Variants in PGM5 observed in about 807,000 individuals in gnomAD.
PGM5 encodes the protein phosphoglucomutase 5.
A neutral mutation model predicts 59.2 loss-of-function variants in PGM5; 23 were observed. That is an observed-to-expected ratio of 0.39 (90% CI 0.28 to 0.55). The LOEUF (loss-of-function observed/expected upper bound fraction) is 0.55. Ranked by LOEUF, PGM5 falls within the 20% of genes least tolerant of loss-of-function variation. The probability of loss-of-function intolerance (pLI) is 0.66; values close to 1 mark genes in which losing one functional copy is unlikely to be tolerated. For synonymous variants in PGM5, 214 were observed against 286.0 expected (o/e 0.75, Z 2.54); for missense variants, 574 against 748.3 (o/e 0.77, Z 2.72).
In PGM5 at chr9:68,511,545, C is replaced by T. The variant is rs1452917513; in HGVS notation, c.1614+12184C>T. 1.8e-4 allele frequency among the ~76,000 whole-genome samples: 11 copies of T among 62,726 alleles called. No individual in the cohort carries two copies. The East Asian group carries it at 3.2e-3, about 18-fold the overall frequency. 41.2% of individuals were successfully genotyped at this position (62,726 alleles called of 152,430 possible). ...TTGTCACTAATGTTATTGTTTTTGC[C>T]TTTTTTTTTTTTTTTTTTTTTTTTT... On this transcript the variant is annotated intron_variant, in intron 10 of 10. Coordinates refer to ENST00000396396, the MANE Select transcript of PGM5 (RefSeq NM_021965.4).
intron 2 of PGM5, among the ~76,000 whole-genome samples, chr9:68,381,868 C>T (rs1554678354): frequency 6.6e-6 from 1 of 151,836 alleles, no homozygotes; most frequent in African/African-American, 2.4e-5. Context: ...AACTATAAAA[C>T]ATTGATTGAA....
intron 7 of PGM5, among the ~76,000 whole-genome samples, chr9:68,473,514 G>A (rs1824055189): frequency 6.6e-6 from 1 of 152,138 alleles, no homozygotes; most frequent in African/African-American, 2.4e-5. Context: ...GATGACCTAA[G>A]CTCAATCTCT....
chr9:68,491,811 G>A (rs538902345), intron 9 of PGM5, among the ~76,000 whole-genome samples: 30 of 152,152 alleles, frequency 2.0e-4, no homozygotes, highest in Non-Finnish European at 2.8e-4. Flanking sequence ...AGATCACCCT[G>A]GGCAACACAG....
chr9:68,401,885 ATATATGTGTGTG>A (rs140692341), intron 6 of PGM5, among the ~76,000 whole-genome samples: 6,085 of 104,006 alleles, frequency 0.059, 163 homozygotes, highest in Non-Finnish European at 0.072. Flanking sequence ...AGCTATATAT[ATATATGTGTGTG>A]TGTGTGTGTG....
At chr9:68,424,525 A>G (rs1415102559) in intron 6 of PGM5, among the ~76,000 whole-genome samples, 3 of 152,158 alleles carry the variant, frequency 2.0e-5, no homozygotes, top group Non-Finnish European at 2.9e-5. Context: ...ACCTCCTAAA[A>G]TCATATTATT....
chr9:68,529,720 C>A lies in PGM5; in HGVS notation c.*64C>A. ...TCAGCGGGAGATGCTTCACTGATGCCTTCTTGCTACCTGTTTGTGCCTCTT... is the reference window on the plus strand; with the variant it reads ...TCAGCGGGAGATGCTTCACTGATGCATTCTTGCTACCTGTTTGTGCCTCTT... On this transcript the variant is annotated 3_prime_UTR_variant, in exon 11 of 11. Coordinates refer to ENST00000396396, the MANE Select transcript of PGM5 (RefSeq NM_021965.4). The A allele has an allele frequency of 1.1e-6, 1 of 931,306 alleles. No homozygotes were observed. Among genetic ancestry groups the A allele is most frequent in the Non-Finnish European group, 1.6e-6 (1 of 633,656 alleles). The allele number at this position is 931,306 out of a possible 1,614,324, so 57.7% of individuals were successfully genotyped here. A position where few individuals can be genotyped will look rare whatever the true frequency, so the allele number is the denominator to read the frequency against.
At chr9:68,495,886 A>G (rs1587216202) in intron 9 of PGM5, among the ~76,000 whole-genome samples, 1 of 152,358 alleles carries the variant, frequency 6.6e-6, no homozygotes, top group South Asian at 2.1e-4. Flanking sequence ...GCCTTATACC[A>G]GGGGTCAGCA....
At chr9:68,432,157 C>T (rs1217711133) in intron 6 of PGM5, among the ~76,000 whole-genome samples, 1 of 151,992 alleles carries the variant, frequency 6.6e-6, no homozygotes, top group East Asian at 1.9e-4. Flanking sequence ...GCATACATCC[C>T]CACACACACC....
intron 1 of PGM5, among the ~76,000 whole-genome samples, chr9:68,360,291 A>T (rs1271372514): frequency 6.6e-6 from 1 of 151,546 alleles, no homozygotes; most frequent in Non-Finnish European, 1.5e-5. Context: ...ATGTATAAAA[A>T]ATTTTATAAA....
At chr9:68,506,794 TG>T (rs1187611532) in intron 10 of PGM5, among the ~76,000 whole-genome samples, 2 of 152,140 alleles carry the variant, frequency 1.3e-5, no homozygotes, top group Admixed American at 6.5e-5. Flanking sequence ...CAAAGATTTT[TG>T]TATATGTATA....
At chr9:68,393,092 C>A (rs1822408147) in intron 6 of PGM5, among the ~76,000 whole-genome samples, 1 of 151,914 alleles carries the variant, frequency 6.6e-6, no homozygotes, top group African/African-American at 2.4e-5. Context: ...CTCTATCCAT[C>A]CCTCTTGTCT....
chr9:68,401,439 A>C (rs1822664158), intron 6 of PGM5, among the ~76,000 whole-genome samples: 1 of 152,162 alleles, frequency 6.6e-6, no homozygotes, highest in Non-Finnish European at 1.5e-5. Flanking sequence ...CATTGTCGTT[A>C]TTTAGGGTGT....
intron 10 of PGM5, among the ~76,000 whole-genome samples, chr9:68,519,998 G>A (rs1483913546): frequency 6.6e-6 from 1 of 150,838 alleles, no homozygotes; most frequent in East Asian, 1.9e-4. Flanking sequence ...GCTGAGGTGA[G>A]AGGATTGCTC....
At chr9:68,383,275 AT>A (rs1457336532) in intron 2 of PGM5, among the ~76,000 whole-genome samples, 1 of 152,122 alleles carries the variant, frequency 6.6e-6, no homozygotes, top group African/African-American at 2.4e-5. Flanking sequence ...CATACTTTAC[AT>A]TTTTAGTAGC....
intron 1 of PGM5, among the ~76,000 whole-genome samples, chr9:68,360,002 G>A (rs1469820192): frequency 2.0e-5 from 3 of 150,972 alleles, no homozygotes; most frequent in Non-Finnish European, 3.0e-5. Flanking sequence ...ATGCCACTAT[G>A]CACAGCTGAT....
At chr9:68,411,262 T>C (rs1454708390) in intron 6 of PGM5, among the ~76,000 whole-genome samples, 3 of 152,016 alleles carry the variant, frequency 2.0e-5, no homozygotes, top group Non-Finnish European at 4.4e-5. Flanking sequence ...TAGCCGGGTG[T>C]GCCTGTAGTC....
intron 10 of PGM5, among the ~76,000 whole-genome samples, chr9:68,514,062 A>G (rs1340841318): frequency 6.6e-6 from 1 of 152,164 alleles, no homozygotes; most frequent in Non-Finnish European, 1.5e-5. Context: ...CATCAACATC[A>G]CCTGGTTGCT....
intron 6 of PGM5, among the ~76,000 whole-genome samples, chr9:68,413,452 A>G (rs1554681777): frequency 6.6e-6 from 1 of 152,210 alleles, no homozygotes; most frequent in African/African-American, 2.4e-5. Flanking sequence ...CTTGGAGATT[A>G]TCCACTACCC....
intron 6 of PGM5, among the ~76,000 whole-genome samples, chr9:68,446,163 A>G (rs1554683998): frequency 1.3e-5 from 2 of 152,226 alleles, no homozygotes; most frequent in African/African-American, 4.8e-5. Context: ...GAATTATAAC[A>G]AGGGTGAAAG....
Sources: gnomAD v4.1 joint callset for allele counts (sites outside exome capture counted in the v4.1 genomes callset) on GRCh38, gnomAD v4.1.1 for gene constraint, MANE v1.5 for transcripts, NCBI Gene and HGNC (gene_info 2026-07-23, HGNC 2026-07-21) for gene names.